ARL15: variants seen among roughly 807,000 people sequenced by gnomAD.
ARL15 encodes ADP-ribosylation factor-like protein 15.
A neutral mutation model predicts 25.2 loss-of-function variants in ARL15; 19 were observed. That is an observed-to-expected ratio of 0.75 (90% CI 0.53 to 1.10). The LOEUF (loss-of-function observed/expected upper bound fraction) is 1.10. Among genes scored for constraint, ARL15 ranks in the 50% least tolerant of loss-of-function variants. The probability of loss-of-function intolerance (pLI) is 0.00; values close to 1 mark genes in which losing one functional copy is unlikely to be tolerated. For missense variants in ARL15, 220 were observed against 246.0 expected, an observed-to-expected ratio of 0.89 and a Z score of 0.71; for synonymous variants, 94 against 86.8, an observed-to-expected ratio of 1.08 and a Z score of -0.46.
chr5:54,265,908 A>C (rs1757611981), intron 1 of ARL15, among the ~76,000 whole-genome samples: 1 of 152,188 alleles, frequency 6.6e-6, no homozygotes, highest in African/African-American at 2.4e-5. Flanking sequence ...TTTAACCTCC[A>C]CCACAACCCT....
At chr5:54,243,705 C>T (rs1482142843) in intron 1 of ARL15, among the ~76,000 whole-genome samples, 1 of 152,192 alleles carries the variant, frequency 6.6e-6, no homozygotes, top group East Asian at 1.9e-4. Flanking sequence ...TACATCTTCC[C>T]AATTCTGATT....
At chr5:53,921,018 T>C (rs548864809) in intron 4 of ARL15, among the ~76,000 whole-genome samples, 2 of 152,286 alleles carry the variant, frequency 1.3e-5, no homozygotes, top group Non-Finnish European at 2.9e-5. Context: ...ATCAGGGTCC[T>C]TGAATAACTA....
intron 4 of ARL15, among the ~76,000 whole-genome samples, chr5:53,983,182 T>G (rs945494527): frequency 6.6e-6 from 1 of 152,204 alleles, no homozygotes; most frequent in East Asian, 1.9e-4. Context: ...AGAGACTGTA[T>G]AATCATTTGG....
At chr5:54,289,795 A>G (rs1758279382) in intron 1 of ARL15, among the ~76,000 whole-genome samples, 1 of 152,232 alleles carries the variant, frequency 6.6e-6, no homozygotes, top group Admixed American at 6.5e-5. Flanking sequence ...ATGAGTTATA[A>G]AAGGAAATAC....
chr5:54,062,408 C>T (rs1472163803), intron 4 of ARL15, among the ~76,000 whole-genome samples: 1 of 151,776 alleles, frequency 6.6e-6, no homozygotes, highest in Non-Finnish European at 1.5e-5. Context: ...TGTTGAATTC[C>T]CATGTGTTGT....
At chr5:54,174,271 T>A (rs1237583459) in intron 1 of ARL15, among the ~76,000 whole-genome samples, 1 of 152,138 alleles carries the variant, frequency 6.6e-6, no homozygotes, top group Non-Finnish European at 1.5e-5. Flanking sequence ...TTGATCTATG[T>A]TCTCTGAGCC....
chr5:53,979,516 G>A (rs1748050226), intron 4 of ARL15, among the ~76,000 whole-genome samples: 1 of 152,156 alleles, frequency 6.6e-6, no homozygotes, highest in South Asian at 2.1e-4. Flanking sequence ...CTCCAGCCTG[G>A]GCAACAGAAT....
At chr5:53,912,512 G>A (rs1432895525) in intron 4 of ARL15, among the ~76,000 whole-genome samples, 1 of 152,160 alleles carries the variant, frequency 6.6e-6, no homozygotes, top group Non-Finnish European at 1.5e-5. Context: ...GTCCACATCA[G>A]CAGCTACTCC....
At chr5:54,179,482 A>C (rs1754982793) in intron 1 of ARL15, among the ~76,000 whole-genome samples, 2 of 152,148 alleles carry the variant, frequency 1.3e-5, no homozygotes, top group Admixed American at 1.3e-4. Context: ...TTATGGCCAA[A>C]GTATCTCTCA....
chr5:53,996,623 A>T (rs1748682932), intron 4 of ARL15, among the ~76,000 whole-genome samples: 1 of 64,884 alleles, frequency 1.5e-5, no homozygotes. Flanking sequence ...TCTCATAAAA[A>T]AAAAAAAAAA....
chr5:53,933,210 G>A (rs1373739923), intron 4 of ARL15, among the ~76,000 whole-genome samples: 2 of 152,230 alleles, frequency 1.3e-5, no homozygotes, highest in African/African-American at 2.4e-5. Context: ...GGGCAAGGGG[G>A]TATAGGTAGA....
At chr5:54,051,113 T>C (rs1368344712) in intron 4 of ARL15, among the ~76,000 whole-genome samples, 1 of 152,206 alleles carries the variant, frequency 6.6e-6, no homozygotes, top group Non-Finnish European at 1.5e-5. Flanking sequence ...CTTTCCATCG[T>C]TGGGCTTATG....
intron 4 of ARL15, chr5:53,887,409 T>TAATA (rs1744567788): frequency 1.4e-6 from 1 of 700,670 alleles, no homozygotes; most frequent in Admixed American, 2.0e-5. Flanking sequence ...CAAGAACTTA[T>TAATA]AATAGGTATG....
At chr5:54,155,234 T>C (rs947138374) in intron 2 of ARL15, among the ~76,000 whole-genome samples, 2 of 152,220 alleles carry the variant, frequency 1.3e-5, no homozygotes, top group African/African-American at 4.8e-5. Context: ...GTAATGTCAC[T>C]CTGCAACTTT....
intron 4 of ARL15, among the ~76,000 whole-genome samples, chr5:54,075,738 T>A (rs979924775): frequency 2.6e-5 from 4 of 152,166 alleles, no homozygotes; most frequent in Admixed American, 6.5e-5. Context: ...CTGCCCACCT[T>A]GGCTTCCCAA....
chr5:54,214,105 G>GA (rs1335989486), intron 1 of ARL15, among the ~76,000 whole-genome samples: 1 of 151,966 alleles, frequency 6.6e-6, no homozygotes, highest in East Asian at 1.9e-4. Context: ...TGGAAGGGGG[G>GA]AAAAAAGGAG....
chr5:54,280,832 C>T (rs1337614795), intron 1 of ARL15, among the ~76,000 whole-genome samples: 1 of 151,998 alleles, frequency 6.6e-6, no homozygotes, highest in African/African-American at 2.4e-5. Flanking sequence ...CCACCCTAGG[C>T]CTCTAAAGGG....
chr5:54,241,668 T>C (rs1038881028), intron 1 of ARL15, among the ~76,000 whole-genome samples: 2 of 152,230 alleles, frequency 1.3e-5, no homozygotes. Context: ...TAACTAATTA[T>C]ATAATTCCGT....
intron 4 of ARL15, among the ~76,000 whole-genome samples, chr5:53,910,633 T>TTATATATATATCTATATATATA (rs1745421072): frequency 1.8e-5 from 1 of 55,018 alleles, no homozygotes; most frequent in African/African-American, 7.4e-5. Context: ...TAAAAAAAAA[T>TTATATATATATCTATATATATA]TATATATATA....
Sources: gnomAD v4.1 joint callset for allele counts (sites outside exome capture counted in the v4.1 genomes callset) on GRCh38, gnomAD v4.1.1 for gene constraint, MANE v1.5 for transcripts, NCBI Gene and HGNC (gene_info 2026-07-23, HGNC 2026-07-21) for gene names.